PHACTR1: variants seen among roughly 807,000 people sequenced by gnomAD.
The protein encoded by PHACTR1 is phosphatase and actin regulator 1.
PHACTR1 carries 16 observed loss-of-function variants against 69.2 expected under a neutral mutation model. The ratio of observed to expected loss-of-function variants is 0.23; its 90% CI spans 0.16 to 0.35. The LOEUF (loss-of-function observed/expected upper bound fraction) is 0.35. Among genes scored for constraint, PHACTR1 ranks in the 10% least tolerant of loss-of-function variants. The pLI, the probability that PHACTR1 is intolerant of heterozygous loss-of-function variation, is 1.00. For synonymous variants in PHACTR1, 312 were observed against 284.5 expected, an observed-to-expected ratio of 1.10 and a Z score of -0.97; for missense variants, 510 against 734.7, an observed-to-expected ratio of 0.69 and a Z score of 3.54.
At chr6:13,254,409 ACT>A (rs1479207811) in intron 10 of PHACTR1, among the ~76,000 whole-genome samples, 1 of 152,134 alleles carries the variant, frequency 6.6e-6, no homozygotes, top group African/African-American at 2.4e-5. Context: ...GCCCAGTGTA[ACT>A]CTCTATCCTT....
intron 6 of PHACTR1, among the ~76,000 whole-genome samples, chr6:13,161,883 C>T (rs76942777): frequency 0.048 from 7,240 of 152,278 alleles, 573 homozygotes; most frequent in African/African-American, 0.16. Context: ...TGTGAAGGTG[C>T]ATGATTCCAA....
rs114151758 is a variant in PHACTR1 at position 13,001,901 on chromosome 6, C to T, written c.251-51464C>T. On this transcript the variant is annotated intron_variant, in intron 4 of 14. Transcript: ENST00000332995. Reference sequence around the variant, plus strand: ...CTGGGTGACTGACAAGTGATTACTGCGGGTAGCAATATGGATAGTAGTATC... The same window carrying T: ...CTGGGTGACTGACAAGTGATTACTGTGGGTAGCAATATGGATAGTAGTATC... Among the ~76,000 whole-genome samples, 755 of 152,292 alleles carry T rather than the reference C, an allele frequency of 5.0e-3. 6 individuals are homozygous for T. The highest frequency in any genetic ancestry group is 0.017 in the African/African-American group (689 of 41,558).
At chr6:13,252,564 T>C (rs1480573330) in intron 10 of PHACTR1, among the ~76,000 whole-genome samples, 1 of 149,972 alleles carries the variant, frequency 6.7e-6, no homozygotes, top group Non-Finnish European at 1.5e-5. Flanking sequence ...AATGCAAAAA[T>C]ACAAATCTAC....
At chr6:12,856,255 C>CTTTTT (rs66541950) in intron 4 of PHACTR1, among the ~76,000 whole-genome samples, 124 of 135,684 alleles carry the variant, frequency 9.1e-4, no homozygotes, top group Non-Finnish European at 1.1e-3. Flanking sequence ...TTCTTTCTTT[C>CTTTTT]TTTTTTTTTT....
At chr6:12,982,891 A>G (rs1356772844) in intron 4 of PHACTR1, among the ~76,000 whole-genome samples, 2 of 152,242 alleles carry the variant, frequency 1.3e-5, no homozygotes, top group South Asian at 2.1e-4. Context: ...TATATTCACA[A>G]TAACTATGCA....
chr6:13,081,551 TG>T (rs1231562729), intron 5 of PHACTR1, among the ~76,000 whole-genome samples: 7 of 152,160 alleles, frequency 4.6e-5, no homozygotes, highest in Admixed American at 4.6e-4. Flanking sequence ...GCAGCCAGGC[TG>T]GGGTCATGCC....
chr6:12,717,225 T>C (rs1350178909), intron 1 of PHACTR1, among the ~76,000 whole-genome samples: 3 of 152,158 alleles, frequency 2.0e-5, no homozygotes, highest in Admixed American at 2.0e-4. Flanking sequence ...ATTAGGGTAA[T>C]AACTGGTGCC....
At chr6:12,792,840 CTT>C (rs58524663) in intron 4 of PHACTR1, among the ~76,000 whole-genome samples, 9,414 of 120,312 alleles carry the variant, frequency 0.078, 299 homozygotes, top group Admixed American at 0.12. Flanking sequence ...TAAAGAGAAG[CTT>C]TTTTTTTTTT....
intron 5 of PHACTR1, among the ~76,000 whole-genome samples, chr6:13,060,858 T>G (rs778940453): frequency 2.0e-5 from 3 of 152,150 alleles, no homozygotes; most frequent in Non-Finnish European, 4.4e-5. Context: ...TTTTGCCAGA[T>G]GAGTAGAAAG....
rs142442810 is a variant in PHACTR1, at chr6:12,718,635, C to G, written c.-46-64C>G. 68 of 436,882 alleles carry G rather than the reference C, an allele frequency of 1.6e-4. 1 individual carries two copies. In the East Asian group the frequency reaches 2.3e-3, roughly 15 times the overall value. 27.1% of individuals were successfully genotyped at this position (436,882 alleles called of 1,614,324 possible). ...ATTCTTATTCAAACATTTTAAAGTA[C>G]ATCTATATATACACTTTATACTTGA... On this transcript the variant is annotated intron_variant, in intron 2 of 14. Transcript: ENST00000332995.
chr6:13,253,272 G>A (rs1774740818), intron 10 of PHACTR1, among the ~76,000 whole-genome samples: 1 of 152,176 alleles, frequency 6.6e-6, no homozygotes, highest in Non-Finnish European at 1.5e-5. Context: ...CATGGAAGGA[G>A]GCACCTTGTT....
chr6:13,104,835 A>C (rs933648210), intron 5 of PHACTR1, among the ~76,000 whole-genome samples: 4 of 152,252 alleles, frequency 2.6e-5, no homozygotes, highest in African/African-American at 7.2e-5. Context: ...CCAAAGCCTG[A>C]ATCTTACCTA....
At chr6:13,165,628 G>C (rs1181788042) in intron 6 of PHACTR1, among the ~76,000 whole-genome samples, 2 of 152,192 alleles carry the variant, frequency 1.3e-5, no homozygotes, top group Non-Finnish European at 2.9e-5. Context: ...AGGAAATAAA[G>C]TCAAGCGAAG....
chr6:12,718,756 C>A lies in PHACTR1; in HGVS notation c.12C>A (p.Pro4=), dbSNP rs1314107331. 6.5e-7 allele frequency: 1 copy of A among 1,549,422 alleles called. No individual in the cohort carries two copies. Among genetic ancestry groups the A allele is most frequent in the Non-Finnish European group, 8.8e-7 (1 of 1,141,974 alleles). ...TTGGAACATCAAGGATGGATTATCC[C>A]AAAATGGATTATTTTCTGGATGTAG... The part of the protein sequence containing the change: MDY[P]KMDYFLDVES... The change falls in exon 3 of 15, where the codon CCC becomes CCA. Residue 4 remains proline, a synonymous_variant. Coordinates refer to ENST00000332995, the MANE Select transcript of PHACTR1 (RefSeq NM_030948.6).
intron 4 of PHACTR1, among the ~76,000 whole-genome samples, chr6:12,896,393 A>T (rs1291968361): frequency 6.6e-6 from 1 of 152,246 alleles, no homozygotes; most frequent in Non-Finnish European, 1.5e-5. Context: ...CTTCAGAAAC[A>T]TAGACCACAT....
chr6:12,732,165 A>C (rs1419748111), intron 3 of PHACTR1, among the ~76,000 whole-genome samples: 2 of 152,160 alleles, frequency 1.3e-5, no homozygotes, highest in East Asian at 3.9e-4. Context: ...CTACCAATGC[A>C]ACATATAGTA....
At chr6:13,140,430 T>G (rs956713891) in intron 5 of PHACTR1, among the ~76,000 whole-genome samples, 4 of 152,150 alleles carry the variant, frequency 2.6e-5, no homozygotes, top group Non-Finnish European at 5.9e-5. Flanking sequence ...GGCCTATATA[T>G]ACAATGGAGT....
chr6:13,156,152 C>T (rs868744593), intron 5 of PHACTR1, among the ~76,000 whole-genome samples: 1 of 152,108 alleles, frequency 6.6e-6, no homozygotes, highest in Admixed American at 6.5e-5. Flanking sequence ...TTTTGCTAGG[C>T]CTCAGGTACC....
chr6:13,047,639 A>T (rs1159286003), intron 4 of PHACTR1, among the ~76,000 whole-genome samples: 3 of 152,126 alleles, frequency 2.0e-5, no homozygotes, highest in Non-Finnish European at 4.4e-5. Flanking sequence ...CCCTAGGAGC[A>T]TTTAGCACAT....
Sources: allele counts gnomAD v4.1 joint callset (sites outside exome capture counted in the v4.1 genomes callset), GRCh38; gene constraint gnomAD v4.1.1; transcripts MANE v1.5; gene names NCBI Gene and HGNC (gene_info 2026-07-23, HGNC 2026-07-21).